The following OSBPL8 variants were observed in gnomAD, a reference collection of about 807,000 sequenced individuals.
OSBPL8 encodes the protein oxysterol-binding protein-related protein 8.
Under a neutral mutation model 125.5 loss-of-function variants are expected in OSBPL8, and 59 were observed. The ratio of observed to expected loss-of-function variants is 0.47; its 90% CI spans 0.38 to 0.58. The LOEUF (loss-of-function observed/expected upper bound fraction) is 0.58, where lower values mean the gene tolerates loss of function less well. Ranked by LOEUF, OSBPL8 falls within the 20% of genes least tolerant of loss-of-function variation. The pLI, the probability that OSBPL8 is intolerant of heterozygous loss-of-function variation, is 0.00. For missense variants in OSBPL8, 758 were observed against 1,047.8 expected, an observed-to-expected ratio of 0.72 and a Z score of 3.82; for synonymous variants, 330 against 338.9, an observed-to-expected ratio of 0.97 and a Z score of 0.29.
intron 17 of OSBPL8, among the ~76,000 whole-genome samples, chr12:76,374,789 C>T (rs1476004412): frequency 6.6e-6 from 1 of 152,060 alleles, no homozygotes; most frequent in South Asian, 2.1e-4. Context: ...ATACCCTGTC[C>T]AAATTTTTGA....
chr12:76,553,505 A>AT (rs2137522447), intron 1 of OSBPL8, among the ~76,000 whole-genome samples: 1 of 151,552 alleles, frequency 6.6e-6, no homozygotes, highest in South Asian at 2.1e-4. Flanking sequence ...TTCTAAAAAA[A>AT]AAAAAAAAAA....
At chr12:76,452,884 A>G (rs1157178350) in intron 3 of OSBPL8, among the ~76,000 whole-genome samples, 2 of 152,052 alleles carry the variant, frequency 1.3e-5, no homozygotes, top group Non-Finnish European at 2.9e-5. Context: ...AGATCATCAC[A>G]TTATTAGCTC....
chr12:76,454,194 T>G (rs995748732), intron 3 of OSBPL8, among the ~76,000 whole-genome samples: 6 of 152,102 alleles, frequency 3.9e-5, no homozygotes, highest in Non-Finnish European at 8.8e-5. Context: ...TAGAAAAACT[T>G]TTACAGGTAT....
chr12:76,471,014 T>A (rs1176747957), intron 2 of OSBPL8, among the ~76,000 whole-genome samples: 1 of 152,216 alleles, frequency 6.6e-6, no homozygotes, highest in Non-Finnish European at 1.5e-5. Context: ...CTTAAAAGTC[T>A]AGGTGTAATA....
At chr12:76,397,992 A>AT in intron 7 of OSBPL8, 95 bp from the exon 8 acceptor site, 1 of 1,024,670 alleles carries the variant, frequency 9.8e-7, no homozygotes, top group Non-Finnish European at 1.4e-6. Context: ...TAAAATTTCC[A>AT]TAACACGTAC....
intron 2 of OSBPL8, among the ~76,000 whole-genome samples, chr12:76,481,451 C>T (rs547421584): frequency 2.6e-5 from 4 of 151,956 alleles, no homozygotes; most frequent in African/African-American, 9.7e-5. Context: ...CATAGCAAGA[C>T]CCTGCGTCTA....
Position 76,386,574 on chromosome 12 carries a change from A to ATT in OSBPL8, c.1434+3_1434+4dup, listed in dbSNP as rs1482167389. 7 of 1,581,548 alleles carry ATT rather than the reference A, an allele frequency of 4.4e-6. No individual in the cohort carries two copies. Among genetic ancestry groups the ATT allele is most frequent in the African/African-American group, 1.4e-5 (1 of 73,942 alleles). On this transcript the variant is annotated splice_donor_region_variant and intron_variant, in intron 13 of 23. Coordinates refer to ENST00000261183, the MANE Select transcript of OSBPL8 (RefSeq NM_020841.5). ...AGACAATAAAATGTAAACAAACATT[A>ATT]TTACCTTTGGCTTTTTATAGAATCC...
At chr12:76,436,486 C>T (rs982327997) in intron 4 of OSBPL8, among the ~76,000 whole-genome samples, 2 of 151,564 alleles carry the variant, frequency 1.3e-5, no homozygotes, top group African/African-American at 2.4e-5. Flanking sequence ...CAATATCTAT[C>T]TGCATTTTCG....
At chr12:76,414,217 C>T (rs1211876663) in intron 4 of OSBPL8, among the ~76,000 whole-genome samples, 1 of 151,962 alleles carries the variant, frequency 6.6e-6, no homozygotes, top group Non-Finnish European at 1.5e-5. Flanking sequence ...TCTGTTTCTG[C>T]ACACCCTATC....
chr12:76,394,045 A>C (rs1953688333), intron 9 of OSBPL8, among the ~76,000 whole-genome samples: 1 of 152,170 alleles, frequency 6.6e-6, no homozygotes, highest in Admixed American at 6.5e-5. Context: ...CAAAACAAAA[A>C]AAATCAGATA....
At chr12:76,485,007 G>A (rs1453575804) in intron 2 of OSBPL8, among the ~76,000 whole-genome samples, 1 of 151,932 alleles carries the variant, frequency 6.6e-6, no homozygotes, top group Non-Finnish European at 1.5e-5. Flanking sequence ...TGCAACCTCT[G>A]CCTCCCAGGT....
intron 4 of OSBPL8, among the ~76,000 whole-genome samples, chr12:76,412,129 G>T (rs995804506): frequency 6.6e-6 from 1 of 152,052 alleles, no homozygotes; most frequent in Admixed American, 6.6e-5. Flanking sequence ...TGGCTATTAA[G>T]AGTAAAATTA....
At chr12:76,533,048 A>G (rs1023816286) in intron 1 of OSBPL8, among the ~76,000 whole-genome samples, 3 of 152,230 alleles carry the variant, frequency 2.0e-5, no homozygotes, top group African/African-American at 7.2e-5. Flanking sequence ...AAAATAGTCT[A>G]CCTTTGAATA....
At chr12:76,551,080 T>C (rs2137501719) in intron 1 of OSBPL8, among the ~76,000 whole-genome samples, 1 of 151,824 alleles carries the variant, frequency 6.6e-6, no homozygotes, top group East Asian at 1.9e-4. Context: ...ATATATATAG[T>C]ATATCAAGGA....
chr12:76,444,717 C>T (rs539674629), intron 4 of OSBPL8, among the ~76,000 whole-genome samples: 2 of 152,288 alleles, frequency 1.3e-5, no homozygotes, highest in African/African-American at 4.8e-5. Context: ...ATCAGACACA[C>T]TTGGAGAGCT....
chr12:76,414,101 G>A (rs138044313), intron 4 of OSBPL8, among the ~76,000 whole-genome samples: 2 of 152,130 alleles, frequency 1.3e-5, no homozygotes, highest in East Asian at 1.9e-4. Context: ...TGTGATATAC[G>A]GGTACAATTT....
At chr12:76,360,855 C>A (rs1370602489) in intron 21 of OSBPL8, among the ~76,000 whole-genome samples, 5 of 152,192 alleles carry the variant, frequency 3.3e-5, no homozygotes, top group Non-Finnish European at 7.3e-5. Flanking sequence ...CGTAGGGCAC[C>A]AAGTCCCTAG....
chr12:76,451,291 TTTA>T (rs1186188290), intron 3 of OSBPL8, among the ~76,000 whole-genome samples: 2 of 152,154 alleles, frequency 1.3e-5, no homozygotes, highest in African/African-American at 4.8e-5. Context: ...CATTGTGCTA[TTTA>T]TTCTTTATAT....
intron 2 of OSBPL8, among the ~76,000 whole-genome samples, chr12:76,460,276 T>C (rs1874557093): frequency 6.6e-6 from 1 of 152,142 alleles, no homozygotes; most frequent in African/African-American, 2.4e-5. Flanking sequence ...AAGTTATGCA[T>C]TCCTTAAATT....
Sources: allele counts gnomAD v4.1 joint callset (sites outside exome capture counted in the v4.1 genomes callset), GRCh38; gene constraint gnomAD v4.1.1; transcripts MANE v1.5; gene names NCBI Gene and HGNC (gene_info 2026-07-23, HGNC 2026-07-21).